The following HACD4 variants were observed in gnomAD, a reference collection of about 807,000 sequenced individuals.
The protein encoded by HACD4 is very-long-chain (3R)-3-hydroxyacyl-CoA dehydratase 4.
A neutral mutation model predicts 33.3 loss-of-function variants in HACD4; 35 were observed. The ratio of observed to expected loss-of-function variants is 1.05; its 90% CI spans 0.80 to 1.39. The LOEUF is 1.39. Ranked by LOEUF, HACD4 falls within the 40% of genes most tolerant of loss-of-function variation. The pLI is 0.00. For missense variants in HACD4, 323 were observed against 276.5 expected, an observed-to-expected ratio of 1.17 and a Z score of -1.19; for synonymous variants, 118 against 98.0, an observed-to-expected ratio of 1.20 and a Z score of -1.21.
rs200587302 is a variant in HACD4 at position 21,008,059 on chromosome 9, G to A, written c.578C>T (p.Pro193Leu). The change falls in exon 6 of 7, where the codon CCA (proline) becomes CTA (leucine). Residue 193 changes from proline to leucine, a missense_variant. Physicochemically the swap from Pro to Leu is moderately conservative, Grantham distance 98 (BLOSUM62 -3). Transcript: ENST00000495827. The stretch of plus-strand genomic sequence containing the variant: ...CATGAGATATATTTTCAGCACATAT[G>A]GGAAATAGATGGATAAGTCAAAGGG... ...KLPFDLSIYF[P>L]YVLKIYLMML... The A allele has an allele frequency of 4.4e-6, 7 of 1,608,704 alleles. No homozygotes were observed. In the East Asian group the frequency reaches 1.3e-4, roughly 31 times the overall value.
chr9:21,016,635 A>C (rs1842561749), intron 3 of HACD4, among the ~76,000 whole-genome samples: 1 of 150,322 alleles, frequency 6.7e-6, no homozygotes, highest in Non-Finnish European at 1.5e-5. Context: ...CCAGGGGAGT[A>C]ATGTGAACCA....
intron 1 of HACD4, 183 bp downstream of exon 1, chr9:21,031,370 G>T (rs1435452003): frequency 1.4e-6 from 1 of 707,348 alleles, no homozygotes; most frequent in East Asian, 1.3e-4. Context: ...TGCTTCCTAG[G>T]GTGGTCAAGA....
At chr9:21,016,113 C>T in intron 3 of HACD4, 103 bp from the exon 4 acceptor site, 1 of 713,506 alleles carries the variant, frequency 1.4e-6, no homozygotes, top group Admixed American at 2.4e-5. Flanking sequence ...TATACTTTAG[C>T]TGGAAATATG....
At chr9:21,031,142 A>G (rs1476351839) in intron 1 of HACD4, among the ~76,000 whole-genome samples, 1 of 152,076 alleles carries the variant, frequency 6.6e-6, no homozygotes, top group Non-Finnish European at 1.5e-5. Context: ...TATATGACTG[A>G]ATCTGTTCCC....
intron 3 of HACD4, 59 bp downstream of exon 3, chr9:21,026,537 T>A: frequency 7.0e-7 from 1 of 1,431,794 alleles, no homozygotes. Flanking sequence ...AGAGAAGCTT[T>A]AAAGAGAAAA....
At chr9:21,026,552 T>C in intron 3 of HACD4, 44 bp downstream of exon 3, 1 of 1,524,956 alleles carries the variant, frequency 6.6e-7, no homozygotes. Flanking sequence ...AGAAAAAATG[T>C]AAAAATGAAA....
In HACD4 at chr9:21,010,470, C is replaced by A. The variant is rs909576304; in HGVS notation, c.490+1119G>T. On this transcript the variant is annotated intron_variant, in intron 5 of 6. Transcript: ENST00000495827. The stretch of plus-strand genomic sequence containing the variant: ...GACATCCTGGTACCCCCCCCCCCCC[C>A]AGAGCTTACAGTCTAGTCAAGGAAA... Among the ~76,000 whole-genome samples the A allele has an allele frequency of 3.3e-3, 405 of 123,714 alleles. 17 individuals are homozygous for A. The highest frequency in any genetic ancestry group is 0.012 in the African/African-American group (388 of 32,058). 81.2% of individuals were successfully genotyped at this position (123,714 alleles called of 152,430 possible). A position where few individuals can be genotyped will look rare whatever the true frequency, so the allele number is the denominator to read the frequency against.
chr9:21,010,266 T>C (rs976997019), intron 5 of HACD4, among the ~76,000 whole-genome samples: 4 of 152,188 alleles, frequency 2.6e-5, no homozygotes, highest in Admixed American at 6.5e-5. Context: ...GAAGAAAGCA[T>C]ATATTCTCCA....
chr9:21,017,134 T>C (rs1284485613), intron 3 of HACD4, among the ~76,000 whole-genome samples: 1 of 152,134 alleles, frequency 6.6e-6, no homozygotes, highest in African/African-American at 2.4e-5. Context: ...TTTTTCTTTA[T>C]TTTAAAAGTG....
Position 21,028,135 on chromosome 9 carries a change from C to CAA in HACD4, c.142+1158_142+1159dup, listed in dbSNP as rs71334571. On this transcript the variant is annotated intron_variant, in intron 2 of 6. Transcript: ENST00000495827. ...GGGCGACAAGAGGGAAACTCCATCTCAAAAAAAAAAAAAAAAGAAAAAAGA... is the reference window on the plus strand; with the variant it reads ...GGGCGACAAGAGGGAAACTCCATCTCAAAAAAAAAAAAAAAAAAGAAAAAAGA... 6.1e-3 allele frequency among the ~76,000 whole-genome samples: 565 copies of CAA among 93,106 alleles called. 11 individuals are homozygous for CAA. Among genetic ancestry groups the CAA allele is most frequent in the African/African-American group, 0.018 (388 of 21,482 alleles). The allele number at this position is 93,106 out of a possible 152,430, so 61.1% of individuals were successfully genotyped here.
Position 21,015,945 on chromosome 9 carries a change from A to G in HACD4, c.336T>C (p.Tyr112=), listed in dbSNP as rs757930209. The G allele has an allele frequency of 5.0e-6, 8 of 1,613,258 alleles. No homozygotes were observed. Among genetic ancestry groups the G allele is most frequent in the Admixed American group, 3.3e-5 (2 of 60,002 alleles). ...ITSQEEVQEK[Y]VVCVLFVFWN... Reference sequence around the variant, plus strand: ...AAAAGACGAATAAAACACACACCACATATTTCTCTTGGACTTCCTCTTGAC... The same window carrying G: ...AAAAGACGAATAAAACACACACCACGTATTTCTCTTGGACTTCCTCTTGAC... Residue 112 remains tyrosine (Y), a synonymous_variant, in exon 4 of 7, where the codon TAT becomes TAC. Coordinates refer to ENST00000495827, the MANE Select transcript of HACD4 (RefSeq NM_001010915.5).
chr9:21,030,691 C>A (rs10964801), intron 1 of HACD4, among the ~76,000 whole-genome samples: 58,884 of 152,006 alleles, frequency 0.39, 11,798 homozygotes, highest in Non-Finnish European at 0.44. Context: ...CTTGCCACTG[C>A]CTATTAACAT....
chr9:21,008,242 G>A (rs1842319882), intron 5 of HACD4, 96 bp from the exon 6 acceptor site: 1 of 1,088,324 alleles, frequency 9.2e-7, no homozygotes. Flanking sequence ...TTTTGAATTT[G>A]ATAATGACAG....
rs983261304 is a variant in HACD4 at position 21,005,783 on chromosome 9, A to C, written c.*1254T>G. The C allele has an allele frequency of 6.6e-6, 1 of 152,220 alleles. No individual in the cohort carries two copies. The highest frequency in any genetic ancestry group is 1.5e-5 in the Non-Finnish European group (1 of 68,068). 9.4% of individuals were successfully genotyped at this position (152,220 alleles called of 1,614,324 possible). A position where few individuals can be genotyped will look rare whatever the true frequency, so the allele number is the denominator to read the frequency against. On this transcript the variant is annotated 3_prime_UTR_variant, in exon 7 of 7. Coordinates refer to ENST00000495827, the MANE Select transcript of HACD4 (RefSeq NM_001010915.5). The surrounding 1 kb of genome is among the most constrained non-coding windows in gnomAD (Gnocchi z 4.0). ...CCAGAGTATCAGGCCAAAGAGGATTATTACTAAGACTGAAGATCTCATGGT... is the reference window on the plus strand; with the variant it reads ...CCAGAGTATCAGGCCAAAGAGGATTCTTACTAAGACTGAAGATCTCATGGT...
chr9:21,010,568 A>G (rs1293079666), intron 5 of HACD4, among the ~76,000 whole-genome samples: 1 of 151,028 alleles, frequency 6.6e-6, no homozygotes, highest in Non-Finnish European at 1.5e-5. Context: ...GCAGTCCCCA[A>G]CCTTTTTGGC....
At chr9:21,027,095 T>G (rs779291080) in intron 2 of HACD4, among the ~76,000 whole-genome samples, 1 of 152,214 alleles carries the variant, frequency 6.6e-6, no homozygotes, top group Non-Finnish European at 1.5e-5. Flanking sequence ...AAGGACACTA[T>G]GTGCTCACAG....
intron 1 of HACD4, among the ~76,000 whole-genome samples, chr9:21,030,399 G>A (rs1369760042): frequency 2.6e-5 from 4 of 151,874 alleles, no homozygotes; most frequent in South Asian, 2.1e-4. Flanking sequence ...CCGAGACAGC[G>A]CCACTGCACT....
intron 3 of HACD4, among the ~76,000 whole-genome samples, chr9:21,024,004 A>G (rs373874125): frequency 2.0e-5 from 3 of 152,358 alleles, no homozygotes; most frequent in African/African-American, 7.2e-5. Context: ...GAAACAGGAA[A>G]ACCAAGAATG....
intron 2 of HACD4, among the ~76,000 whole-genome samples, chr9:21,028,366 T>G (rs1035883747): frequency 1.3e-5 from 2 of 152,138 alleles, no homozygotes; most frequent in Non-Finnish European, 2.9e-5. Flanking sequence ...ATCACCTGTG[T>G]TTTCCTGTGC....
Sources: allele counts gnomAD v4.1 joint callset (sites outside exome capture counted in the v4.1 genomes callset), GRCh38; gene constraint gnomAD v4.1.1; non-coding constraint Gnocchi (gnomAD v3.1); transcripts MANE v1.5; gene names NCBI Gene and HGNC (gene_info 2026-07-23, HGNC 2026-07-21).